KHNYN: variants seen among roughly 807,000 people sequenced by gnomAD.
KHNYN encodes KH and NYN domain containing.
KHNYN carries 42 observed loss-of-function variants against 62.7 expected under a neutral mutation model. The ratio of observed to expected loss-of-function variants is 0.67; its 90% confidence interval spans 0.52 to 0.87. The LOEUF is 0.87. Ranked by LOEUF, KHNYN falls within the 40% of genes least tolerant of loss-of-function variation. KHNYN has a pLI of 0.00. For missense variants in KHNYN, 829 were observed against 874.1 expected (o/e 0.95, Z 0.65); for synonymous variants, 347 against 345.6 (o/e 1.00, Z -0.04).
upstream of KHNYN, chr14:24,428,092 C>T (rs117129998): frequency 3.2e-4 from 442 of 1,379,676 alleles, 2 homozygotes; most frequent in East Asian, 9.3e-3. Flanking sequence ...TGGGCTCTCC[C>T]GGGAGGGCTG....
chr14:24,441,499 G>T lies in KHNYN; in HGVS notation c.*4214G>T. Reference sequence around the variant, plus strand: ...TGCCACTCCCCACTGTTTTTTCAGGGTCTCAATTTCTTAGTGAAAGTACAC... The same window carrying T: ...TGCCACTCCCCACTGTTTTTTCAGGTTCTCAATTTCTTAGTGAAAGTACAC... On this transcript the variant is annotated 3_prime_UTR_variant, in exon 8 of 8. Transcript: ENST00000553935. The T allele has an allele frequency of 1.8e-6, 1 of 571,306 alleles. No homozygotes were observed. The highest frequency in any genetic ancestry group is 3.0e-6 in the Non-Finnish European group (1 of 338,690). 35.4% of individuals were successfully genotyped at this position (571,306 alleles called of 1,614,324 possible).
At position 24,440,070 on chromosome 14, in the gene KHNYN, T is replaced by G; in HGVS notation, c.*2785T>G. The stretch of plus-strand genomic sequence containing the variant: ...CTGTGAGGAACAGGCCTCAGGCCCT[T>G]GCCACGACCTACTTAGGCTACAATT... On this transcript the variant is annotated 3_prime_UTR_variant, in exon 8 of 8. Transcript: ENST00000553935. The G allele has an allele frequency of 6.3e-7, 1 of 1,577,558 alleles. No homozygotes were observed. Among genetic ancestry groups the G allele is most frequent in the Non-Finnish European group, 8.6e-7 (1 of 1,157,636 alleles).
At chr14:24,430,574 G>A in intron 1 of KHNYN, 140 bp from the exon 2 acceptor site, 1 of 1,434,840 alleles carries the variant, frequency 7.0e-7, no homozygotes, top group South Asian at 1.5e-5. Context: ...ACCTCCAGTG[G>A]ACTCAGATGC....
upstream of KHNYN, chr14:24,428,008 G>GC (rs746298684): frequency 6.2e-7 from 1 of 1,606,756 alleles, no homozygotes; most frequent in Non-Finnish European, 8.5e-7. Context: ...AGCCCAGTTA[G>GC]CCCCCATTCC....
chr14:24,440,950 G>A lies in KHNYN; in HGVS notation c.*3665G>A, dbSNP rs1218756592. The A allele has an allele frequency of 1.9e-6, 3 of 1,613,750 alleles. No individual in the cohort carries two copies. Among genetic ancestry groups the A allele is most frequent in the South Asian group, 1.1e-5 (1 of 91,066 alleles). On this transcript the variant is annotated 3_prime_UTR_variant, in exon 8 of 8. Transcript: ENST00000553935. ...AGCTGCCGGTGGAACACAATCATTT[G>A]CCCTGGGTGTCCTTGGTCCTGCCTG...
upstream of KHNYN, chr14:24,428,313 C>T (rs185052527): frequency 1.5e-5 from 25 of 1,613,946 alleles, no homozygotes; most frequent in Middle Eastern, 3.3e-4. Flanking sequence ...TGTACACCTT[C>T]ACCACATGGA....
At position 24,438,035 on chromosome 14, in the gene KHNYN, C is replaced by A. The variant is rs1043393793; in HGVS notation, c.*750C>A. The A allele has an allele frequency of 6.6e-6, 1 of 152,618 alleles. No individual in the cohort carries two copies. Among genetic ancestry groups the A allele is most frequent in the East Asian group, 1.9e-4 (1 of 5,186 alleles). The allele number at this position is 152,618 out of a possible 1,614,324, so 9.5% of individuals were successfully genotyped here. On this transcript the variant is annotated 3_prime_UTR_variant, in exon 8 of 8. Coordinates refer to ENST00000553935, the MANE Select transcript of KHNYN (RefSeq NM_015299.3). ...TTTCAGAGAGATGTGGGTCCTTTGT[C>A]TCCAGGATCCACACCCTAGATTTTA...
In KHNYN at chr14:24,437,449, C is replaced by T. The variant is rs2043224848; in HGVS notation, c.*164C>T. 2.6e-6 allele frequency: 2 copies of T among 762,596 alleles called. No homozygotes were observed. The highest frequency in any genetic ancestry group is 4.1e-6 in the Non-Finnish European group (2 of 488,420). 47.2% of individuals were successfully genotyped at this position (762,596 alleles called of 1,614,324 possible). On this transcript the variant is annotated 3_prime_UTR_variant, in exon 8 of 8. Coordinates refer to ENST00000553935, the MANE Select transcript of KHNYN (RefSeq NM_015299.3). The surrounding 1 kb of genome is among the most constrained non-coding windows in gnomAD (Gnocchi z 5.5). ...GGACAGGTCCATAAAGTGAACTGAT[C>T]TTACCGAGTCAGGACCTCAGCCAGC... is the stretch of plus-strand genomic sequence containing the variant.
chr14:24,436,428 C>T lies in KHNYN; in HGVS notation c.1726C>T (p.Pro576Ser), dbSNP rs772387760. ...CTTTGTGGGAAACCTCTTCATGGTA[C>T]CTGATGACCCACTGGGGCGAAACGG... ...FTFVGNLFMVPDDPLGRNGPT... is the reference protein window; with the variant it reads ...FTFVGNLFMVSDDPLGRNGPT... Residue 576 changes from proline to serine, a missense_variant, in exon 7 of 8, where the codon CCT becomes TCT. Around this residue, in one of 2 missense-constraint regions of KHNYN, gnomAD observed 270 missense variants for 347.1 expected, o/e 0.78. Coordinates refer to ENST00000553935, the MANE Select transcript of KHNYN (RefSeq NM_015299.3). 6.2e-7 allele frequency: 1 copy of T among 1,613,744 alleles called. No individual in the cohort carries two copies. The highest frequency in any genetic ancestry group is 1.1e-5 in the South Asian group (1 of 91,042).
chr14:24,427,446 T>C (rs1401611026), upstream of KHNYN: 3 of 289,592 alleles, frequency 1.0e-5, no homozygotes, highest in Non-Finnish European at 2.0e-5. The surrounding 1 kb of genome is among the most constrained non-coding windows in gnomAD (Gnocchi z 4.4). Context: ...CTGATCAGCA[T>C]TGAGCAGGAA....
upstream of KHNYN, among the ~76,000 whole-genome samples, chr14:24,424,982 G>A (rs563555167): frequency 4.1e-4 from 63 of 152,238 alleles, no homozygotes; most frequent in African/African-American, 1.3e-3. Context: ...ATCAGATCAC[G>A]TGAGGCCAGG....
Position 24,432,550 on chromosome 14 carries a change from A to G in KHNYN, c.1289A>G (p.Asn430Ser), listed in dbSNP as rs2043139259. The change falls in exon 3 of 8, where the codon AAT (asparagine) becomes AGT (serine). Residue 430 changes from asparagine (N) to serine (S), a missense_variant. Asn to Ser is a conservative substitution (Grantham distance 46, BLOSUM62 1). Transcript: ENST00000553935. This position sits in a 1 kb window ranked among gnomAD's most constrained non-coding sequence, Gnocchi z 5.6. ...LQDPFTLCLANVPGQPDLRHI... is the reference protein window; with the variant it reads ...LQDPFTLCLASVPGQPDLRHI... ...GATCCTTTCACCCTGTGCCTTGCCA[A>G]TGTGCCTGGCCAGCCAGACCTCCGC... The G allele has an allele frequency of 5.0e-6, 8 of 1,610,560 alleles. No individual in the cohort carries two copies. Among genetic ancestry groups the G allele is most frequent in the African/African-American group, 1.3e-5 (1 of 74,886 alleles).
chr14:24,434,295 C>T lies in KHNYN; in HGVS notation c.1577+1263C>T, dbSNP rs530668166. 1.2e-4 allele frequency: 119 copies of T among 985,174 alleles called. No homozygotes were observed. In the Middle Eastern group the frequency reaches 2.1e-3, roughly 17 times the overall value. 61.0% of individuals were successfully genotyped at this position (985,174 alleles called of 1,614,324 possible). A position where few individuals can be genotyped will look rare whatever the true frequency, so the allele number is the denominator to read the frequency against. On this transcript the variant is annotated intron_variant, in intron 5 of 7. Coordinates refer to ENST00000553935, the MANE Select transcript of KHNYN (RefSeq NM_015299.3). Reference sequence around the variant, plus strand: ...AGTGAATAAGCACAGTGGTACACAGCGTAGGCATACGGAATGAATGTTGCT... The same window carrying T: ...AGTGAATAAGCACAGTGGTACACAGTGTAGGCATACGGAATGAATGTTGCT...
upstream of KHNYN, chr14:24,429,874 G>A: frequency 2.0e-6 from 2 of 1,013,774 alleles, no homozygotes; most frequent in Non-Finnish European, 2.4e-6. Context: ...TCTGGGCGCG[G>A]CGGCGGGGTT....
In KHNYN at chr14:24,440,951, C is replaced by T. The variant is rs1377464500; in HGVS notation, c.*3666C>T. 1.2e-6 allele frequency: 2 copies of T among 1,613,754 alleles called. No individual in the cohort carries two copies. Among genetic ancestry groups the T allele is most frequent in the East Asian group, 4.5e-5 (2 of 44,872 alleles). Reference sequence around the variant, plus strand: ...GCTGCCGGTGGAACACAATCATTTGCCCTGGGTGTCCTTGGTCCTGCCTGG... The same window carrying T: ...GCTGCCGGTGGAACACAATCATTTGTCCTGGGTGTCCTTGGTCCTGCCTGG... On this transcript the variant is annotated 3_prime_UTR_variant, in exon 8 of 8. Transcript: ENST00000553935.
chr14:24,431,771 C>T lies in KHNYN; in HGVS notation c.510C>T (p.Ser170=), dbSNP rs1312781293. ...VLRDFSALLQ[S]PGDAHREALL... Reference sequence around the variant, plus strand: ...GAGACTTCTCTGCCCTGCTGCAGTCCCCGGGGGATGCCCATAGAGAGGCTC... The same window carrying T: ...GAGACTTCTCTGCCCTGCTGCAGTCTCCGGGGGATGCCCATAGAGAGGCTC... Residue 170 remains serine (S), a synonymous_variant, in exon 3 of 8, where the codon TCC becomes TCT. Transcript: ENST00000553935. The T allele has an allele frequency of 2.5e-6, 4 of 1,614,042 alleles. No homozygotes were observed. Among genetic ancestry groups the T allele is most frequent in the Middle Eastern group, 1.6e-4 (1 of 6,080 alleles).
chr14:24,434,985 G>C (rs1378781769), intron 5 of KHNYN, among the ~76,000 whole-genome samples: 1 of 152,172 alleles, frequency 6.6e-6, no homozygotes, highest in Non-Finnish European at 1.5e-5. Context: ...TGGGAAAGGA[G>C]AGATTTGTGA....
upstream of KHNYN, chr14:24,429,866 T>C (rs2139374646): frequency 2.0e-6 from 2 of 1,012,234 alleles, no homozygotes; most frequent in South Asian, 7.2e-5. Flanking sequence ...TCGGGGCCTC[T>C]GGGCGCGGCG....
Position 24,432,644 on chromosome 14 carries a change from G to T in KHNYN, c.1349+34G>T, listed in dbSNP as rs951901409. 1 of 1,610,616 alleles carries T rather than the reference G, an allele frequency of 6.2e-7. No homozygotes were observed. Among genetic ancestry groups the T allele is most frequent in the Non-Finnish European group, 8.5e-7 (1 of 1,177,536 alleles). ...CTGGTGGGGCTAAGGGCCTAGGAGA[G>T]GGAGGATATGTCCTGAGGGGCTGGC... On this transcript the variant is annotated intron_variant, in intron 3 of 7. Transcript: ENST00000553935. The surrounding 1 kb of genome is among the most constrained non-coding windows in gnomAD (Gnocchi z 5.6).
Sources: allele counts gnomAD v4.1 joint callset (sites outside exome capture counted in the v4.1 genomes callset), GRCh38; gene constraint gnomAD v4.1.1; regional missense constraint gnomAD v4.1.1; non-coding constraint Gnocchi (gnomAD v3.1); transcripts MANE v1.5; gene names NCBI Gene and HGNC (gene_info 2026-07-23, HGNC 2026-07-21).